The following ZNF250 variants were observed in gnomAD, a reference collection of about 807,000 sequenced individuals.
The protein encoded by ZNF250 is zinc finger protein 250.
A neutral mutation model predicts 37.1 loss-of-function variants in ZNF250; 13 were observed. That is an observed-to-expected ratio of 0.35 (90% CI 0.23 to 0.56). ZNF250 has a LOEUF of 0.56. Among genes scored for constraint, ZNF250 ranks in the 20% least tolerant of loss-of-function variants. The pLI is 0.87. For missense variants in ZNF250, 474 were observed against 697.9 expected (o/e 0.68, Z 3.61); for synonymous variants, 251 against 265.6 (o/e 0.94, Z 0.54).
intron 5 of ZNF250, among the ~76,000 whole-genome samples, chr8:144,885,411 AC>A: frequency 6.6e-6 from 1 of 151,940 alleles, no homozygotes; most frequent in Non-Finnish European, 1.5e-5. Context: ...ATGAGCCACC[AC>A]CCCCGGCCCA....
chr8:144,888,310 T>C (rs561343405), intron 4 of ZNF250, among the ~76,000 whole-genome samples: 74 of 152,106 alleles, frequency 4.9e-4, no homozygotes, highest in Non-Finnish European at 1.0e-3. Context: ...AAATAAAACA[T>C]TTCTGGCCAG....
rs914107031 is a variant in ZNF250, at chr8:144,877,920, T to C, written c.*3595A>G. Reference sequence around the variant, plus strand: ...TTGAATTTAATTATTCTCATCTTAATTGGAATATGACTTTGTCTTTAATGA... The same window carrying C: ...TTGAATTTAATTATTCTCATCTTAACTGGAATATGACTTTGTCTTTAATGA... On this transcript the variant is annotated 3_prime_UTR_variant, in exon 6 of 6. Transcript: ENST00000417550. 6.6e-6 allele frequency: 1 copy of C among 152,224 alleles called. No individual in the cohort carries two copies. Among genetic ancestry groups the C allele is most frequent in the Non-Finnish European group, 1.5e-5 (1 of 68,044 alleles). The allele number at this position is 152,224 out of a possible 1,614,324, so 9.4% of individuals were successfully genotyped here.
chr8:144,882,264 CAT>C lies in ZNF250; in HGVS notation c.917_918del (p.Tyr306CysfsTer12). 6.2e-7 allele frequency: 1 copy of C among 1,614,040 alleles called. No homozygotes were observed. The highest frequency in any genetic ancestry group is 8.5e-7 in the Non-Finnish European group (1 of 1,179,944). On this transcript the variant is annotated frameshift_variant, in exon 6 of 6. Transcript: ENST00000417550. LOFTEE classifies it high-confidence loss of function. This position sits in a 1 kb window ranked among gnomAD's most constrained non-coding sequence, Gnocchi z 5.5. ...HQRIHTGERP[Y>X]VCPLCGKAFN... The stretch of plus-strand genomic sequence containing the variant: ...AAGGCTTTCCCACACAACGGACACA[CAT>C]ATGGCCTTTCTCCCGTGTGGATCCG...
intron 5 of ZNF250, among the ~76,000 whole-genome samples, chr8:144,884,885 T>A (rs114755231): frequency 1.6e-4 from 25 of 152,212 alleles, no homozygotes; most frequent in Non-Finnish European, 1.5e-5. Context: ...TGTAACATCA[T>A]GTCACAGTGG....
chr8:144,886,165 G>GATGT (rs1831865248), intron 5 of ZNF250, among the ~76,000 whole-genome samples: 5 of 150,382 alleles, frequency 3.3e-5, no homozygotes, highest in Admixed American at 2.0e-4. Flanking sequence ...AGATAGACAA[G>GATGT]ATGTCTTTAA....
At chr8:144,894,290 TC>T (rs1466240156) in intron 1 of ZNF250, among the ~76,000 whole-genome samples, 5 of 151,796 alleles carry the variant, frequency 3.3e-5, no homozygotes, top group Non-Finnish European at 5.9e-5. Context: ...GCAGACAGAC[TC>T]CCAGCACCGT....
rs757296644 is a variant in ZNF250, at chr8:144,881,862, T to A, written c.1321A>T (p.Thr441Ser). The A allele has an allele frequency of 2.5e-6, 4 of 1,614,226 alleles. No homozygotes were observed. The highest frequency in any genetic ancestry group is 3.4e-6 in the Non-Finnish European group (4 of 1,180,028). ...SHLIQHQRVH[T>S]GEKPYVCGEC... ...CCACACACATAGGGCTTCTCCCCAG[T>A]GTGGACTCTCTGGTGCTGGATCAGG... is the stretch of plus-strand genomic sequence containing the variant. Residue 441 changes from threonine (T) to serine (S), a missense_variant, in exon 6 of 6, where the codon ACT becomes TCT. Thr to Ser is a moderately conservative substitution (Grantham distance 58). This residue lies in a region of ZNF250 where 282 missense variants were observed against 470.4 expected (regional missense o/e 0.60). Coordinates refer to ENST00000417550, the MANE Select transcript of ZNF250 (RefSeq NM_001109689.4).
At chr8:144,892,785 C>T (rs1403798240) in intron 1 of ZNF250, among the ~76,000 whole-genome samples, 5 of 151,680 alleles carry the variant, frequency 3.3e-5, no homozygotes, top group East Asian at 1.9e-4. Context: ...CTTGAACTCC[C>T]GACCTCAGGT....
At chr8:144,895,922 T>C (rs571355286) in intron 1 of ZNF250, among the ~76,000 whole-genome samples, 2 of 144,554 alleles carry the variant, frequency 1.4e-5, no homozygotes, top group African/African-American at 5.2e-5. Flanking sequence ...GGCAAGAAAA[T>C]AGCTTGAACC....
rs866052869 is a variant in ZNF250, at chr8:144,890,339, G to C, written c.11C>G (p.Ala4Gly). ...TCCTGCCGGCACTGGCAGGAGTCTGGCTGCTGCCATCACCTGGTCTCCTGG... is the reference window on the plus strand; with the variant it reads ...TCCTGCCGGCACTGGCAGGAGTCTGCCTGCTGCCATCACCTGGTCTCCTGG... MAA[A>G]RLLPVPAGPQ... The change falls in exon 2 of 6, where the codon GCC becomes GGC. Residue 4 changes from alanine (A) to glycine (G), a missense_variant. Transcript: ENST00000417550. The surrounding 1 kb of genome is among the most constrained non-coding windows in gnomAD (Gnocchi z 5.1). The C allele has an allele frequency of 8.0e-6, 12 of 1,506,290 alleles. No homozygotes were observed. The Middle Eastern group carries it at 7.3e-4, about 92-fold the overall frequency. The allele number at this position is 1,506,290 out of a possible 1,614,324, so 93.3% of individuals were successfully genotyped here.
chr8:144,881,365 G>T lies in ZNF250; in HGVS notation c.*150C>A. On this transcript the variant is annotated 3_prime_UTR_variant, in exon 6 of 6. Coordinates refer to ENST00000417550, the MANE Select transcript of ZNF250 (RefSeq NM_001109689.4). ...TGAAGTTTTTCCACAGGAACAGCACGCTAAGTGCTTCTTTCTGGAGTTATT... is the reference window on the plus strand; with the variant it reads ...TGAAGTTTTTCCACAGGAACAGCACTCTAAGTGCTTCTTTCTGGAGTTATT... 8.2e-7 allele frequency: 1 copy of T among 1,220,614 alleles called. No homozygotes were observed. Among genetic ancestry groups the T allele is most frequent in the Non-Finnish European group, 1.1e-6 (1 of 909,592 alleles). The allele number at this position is 1,220,614 out of a possible 1,614,324, so 75.6% of individuals were successfully genotyped here. A position where few individuals can be genotyped will look rare whatever the true frequency, so the allele number is the denominator to read the frequency against.
At position 144,878,941 on chromosome 8, in the gene ZNF250, C is replaced by T. The variant is rs1056909874; in HGVS notation, c.*2574G>A. Reference sequence around the variant, plus strand: ...GAAGTAACACCCAGTGATCTCACCTCCTCTCTGATGAAACACCTCAGTGTA... The same window carrying T: ...GAAGTAACACCCAGTGATCTCACCTTCTCTCTGATGAAACACCTCAGTGTA... On this transcript the variant is annotated 3_prime_UTR_variant, in exon 6 of 6. Coordinates refer to ENST00000417550, the MANE Select transcript of ZNF250 (RefSeq NM_001109689.4). 6.6e-6 allele frequency: 1 copy of T among 152,222 alleles called. No homozygotes were observed. The highest frequency in any genetic ancestry group is 1.9e-4 in the East Asian group (1 of 5,192). 9.4% of individuals were successfully genotyped at this position (152,222 alleles called of 1,614,324 possible).
rs562575416 is a variant in ZNF250 at position 144,878,329 on chromosome 8, T to G, written c.*3186A>C. On this transcript the variant is annotated 3_prime_UTR_variant, in exon 6 of 6. Coordinates refer to ENST00000417550, the MANE Select transcript of ZNF250 (RefSeq NM_001109689.4). The stretch of plus-strand genomic sequence containing the variant: ...CTCAACCTTTCTCTGAAGAATCACC[T>G]TAGTGATTTCAGCCACCTCTGAAGT... 1.3e-5 allele frequency: 2 copies of G among 152,348 alleles called. No homozygotes were observed. The highest frequency in any genetic ancestry group is 4.1e-4 in the South Asian group (2 of 4,832). 9.4% of individuals were successfully genotyped at this position (152,348 alleles called of 1,614,324 possible). A position where few individuals can be genotyped will look rare whatever the true frequency, so the allele number is the denominator to read the frequency against.
At chr8:144,893,312 C>T (rs545912767) in intron 1 of ZNF250, among the ~76,000 whole-genome samples, 2 of 152,208 alleles carry the variant, frequency 1.3e-5, no homozygotes, top group African/African-American at 4.8e-5. Flanking sequence ...TTCCATGGGT[C>T]ACCCACCAGC....
rs1388043851 is a variant in ZNF250 at position 144,880,358 on chromosome 8, T to A, written c.*1157A>T. On this transcript the variant is annotated 3_prime_UTR_variant, in exon 6 of 6. Transcript: ENST00000417550. ...GGAAATACCATAAGATGTAAAGAGG[T>A]ACCCACTTGGTGTAACAGCTATGAG... The A allele has an allele frequency of 2.2e-6, 1 of 451,580 alleles. No individual in the cohort carries two copies. The highest frequency in any genetic ancestry group is 2.0e-5 in the African/African-American group (1 of 49,990). The allele number at this position is 451,580 out of a possible 1,614,324, so 28.0% of individuals were successfully genotyped here.
rs940520684 is a variant in ZNF250, at chr8:144,901,037, G to A, written c.-55+362C>T. The stretch of plus-strand genomic sequence containing the variant: ...AGAAAGCGCGCGGGAGGGCACGAGG[G>A]GGAGGAAGGCCGGAGATCTGAGGAG... On this transcript the variant is annotated intron_variant, in intron 1 of 5. Transcript: ENST00000417550. This position sits in a 1 kb window ranked among gnomAD's most constrained non-coding sequence, Gnocchi z 5.4. Among the ~76,000 whole-genome samples the A allele has an allele frequency of 1.3e-5, 2 of 152,134 alleles. No individual in the cohort carries two copies. The highest frequency in any genetic ancestry group is 2.4e-5 in the African/African-American group (1 of 41,438).
chr8:144,884,605 T>G (rs1035113921), intron 5 of ZNF250, among the ~76,000 whole-genome samples: 1 of 152,210 alleles, frequency 6.6e-6, no homozygotes, highest in Non-Finnish European at 1.5e-5. Flanking sequence ...CTGTGAAGAT[T>G]CTCCTATGTT....
Position 144,877,319 on chromosome 8 carries a change from C to G in ZNF250, c.*4196G>C, listed in dbSNP as rs1217545414. On this transcript the variant is annotated 3_prime_UTR_variant, in exon 6 of 6. Coordinates refer to ENST00000417550, the MANE Select transcript of ZNF250 (RefSeq NM_001109689.4). ...AAAGTCCTGGGCTCAAGCGATCCAC[C>G]CACTTCAGCCTCCCAAAGTGCTGGG... 3 of 152,208 alleles carry G rather than the reference C, an allele frequency of 2.0e-5. No individual in the cohort carries two copies. The highest frequency in any genetic ancestry group is 2.9e-5 in the Non-Finnish European group (2 of 68,068). 9.4% of individuals were successfully genotyped at this position (152,208 alleles called of 1,614,324 possible).
At position 144,881,525 on chromosome 8, in the gene ZNF250, C is replaced by T; in HGVS notation, c.1658G>A (p.Arg553Lys). 1 of 1,588,346 alleles carries T rather than the reference C, an allele frequency of 6.3e-7. No individual in the cohort carries two copies. Among genetic ancestry groups the T allele is most frequent in the Non-Finnish European group, 8.6e-7 (1 of 1,163,354 alleles). ...GHLIQHQKVHRKL is the reference protein window; with the variant it reads ...GHLIQHQKVHKKL ...TGTGTCAGCCATGGGTCACAACTTT[C>T]TGTGCACTTTCTGGTGCTGGATTAG... The change falls in exon 6 of 6, where the codon AGA (arginine) becomes AAA (lysine). Residue 553 changes from arginine to lysine, a missense_variant. Arg to Lys is a conservative substitution (Grantham distance 26). Transcript: ENST00000417550.
Sources: allele counts gnomAD v4.1 joint callset (sites outside exome capture counted in the v4.1 genomes callset), GRCh38; gene constraint gnomAD v4.1.1; regional missense constraint gnomAD v4.1.1; non-coding constraint Gnocchi (gnomAD v3.1); transcripts MANE v1.5; gene names NCBI Gene and HGNC (gene_info 2026-07-23, HGNC 2026-07-21).